TNR: variants seen among roughly 807,000 people sequenced by gnomAD.
The protein encoded by TNR is tenascin-R.
Under a neutral mutation model 150.4 loss-of-function variants are expected in TNR, and 45 were observed. The ratio of observed to expected loss-of-function variants is 0.30; its 90% CI spans 0.24 to 0.38. The LOEUF is 0.38. Ranked by LOEUF, TNR falls within the 10% of genes least tolerant of loss-of-function variation. The pLI is 1.00. For missense variants in TNR, 1,544 were observed against 1,759.1 expected, an observed-to-expected ratio of 0.88 and a Z score of 2.19; for synonymous variants, 687 against 678.4, an observed-to-expected ratio of 1.01 and a Z score of -0.20.
chr1:175,507,858 A>C (rs1284162828), intron 2 of TNR, among the ~76,000 whole-genome samples: 1 of 152,262 alleles, frequency 6.6e-6, no homozygotes, highest in African/African-American at 2.4e-5. Flanking sequence ...AGCATCTAGC[A>C]CATCAGTGAT....
intron 2 of TNR, among the ~76,000 whole-genome samples, chr1:175,515,001 G>T (rs143590582): frequency 7.4e-4 from 112 of 152,286 alleles, no homozygotes; most frequent in South Asian, 6.2e-4. Flanking sequence ...AGTTGCGATG[G>T]TGTCACTTAC....
At chr1:175,353,775 G>A (rs1328114478) in intron 18 of TNR, among the ~76,000 whole-genome samples, 1 of 152,194 alleles carries the variant, frequency 6.6e-6, no homozygotes, top group Non-Finnish European at 1.5e-5. Context: ...AGGAGGAAGA[G>A]AAAGATAAAC....
At chr1:175,661,378 C>A (rs1355752679) in intron 1 of TNR, among the ~76,000 whole-genome samples, 5 of 152,142 alleles carry the variant, frequency 3.3e-5, no homozygotes, top group African/African-American at 1.2e-4. Context: ...TTTAAGCCCC[C>A]CTAAATGTTG....
intron 1 of TNR, among the ~76,000 whole-genome samples, chr1:175,695,023 T>A (rs1010041369): frequency 6.6e-6 from 1 of 152,214 alleles, no homozygotes; most frequent in Non-Finnish European, 1.5e-5. Flanking sequence ...TGTCCATGAA[T>A]TTTTTGACAC....
At chr1:175,359,001 CTGTTCTGAG>C (rs921250975) in intron 15 of TNR, among the ~76,000 whole-genome samples, 4 of 152,104 alleles carry the variant, frequency 2.6e-5, no homozygotes, top group African/African-American at 9.7e-5. Flanking sequence ...AGTCTTAGCT[CTGTTCTGAG>C]TTTCATCTTC....
chr1:175,411,203 C>A (rs1241022755), intron 2 of TNR, among the ~76,000 whole-genome samples: 6 of 152,056 alleles, frequency 3.9e-5, no homozygotes, highest in Admixed American at 3.9e-4. Flanking sequence ...ACCTGGGTGT[C>A]ATGGTAAGTA....
At chr1:175,668,035 G>A (rs1230527126) in intron 1 of TNR, among the ~76,000 whole-genome samples, 3 of 152,154 alleles carry the variant, frequency 2.0e-5, no homozygotes, top group African/African-American at 4.8e-5. Context: ...TGAATCAGAG[G>A]CCACATTTTT....
At chr1:175,346,523 A>T (rs1650792535) in intron 18 of TNR, among the ~76,000 whole-genome samples, 2 of 152,184 alleles carry the variant, frequency 1.3e-5, no homozygotes, top group Admixed American at 1.3e-4. Flanking sequence ...TAATAAAAGA[A>T]ATATATCACT....
At chr1:175,342,798 C>T (rs1650584291) in intron 18 of TNR, among the ~76,000 whole-genome samples, 1 of 152,248 alleles carries the variant, frequency 6.6e-6, no homozygotes, top group Non-Finnish European at 1.5e-5. Context: ...GCAAGTGCAA[C>T]AGACATCTAA....
intron 1 of TNR, among the ~76,000 whole-genome samples, chr1:175,656,067 A>G (rs890677439): frequency 3.3e-5 from 5 of 152,104 alleles, no homozygotes; most frequent in Non-Finnish European, 7.3e-5. Flanking sequence ...GCACCAAGCC[A>G]CAAGGCTATC....
chr1:175,623,835 A>G (rs1465263991), intron 1 of TNR, among the ~76,000 whole-genome samples: 1 of 152,268 alleles, frequency 6.6e-6, no homozygotes, highest in Non-Finnish European at 1.5e-5. Flanking sequence ...GAGGAGCCTG[A>G]GGCCACTGAA....
chr1:175,601,249 G>T lies in TNR; in HGVS notation c.-164-72880C>A, dbSNP rs72725463. ...CTGCAGCGGGTAGAGTTTGGGTAAG[G>T]TCACTTGGCCAGTTCTTACTCAGAG... On this transcript the variant is annotated intron_variant, in intron 1 of 22. Coordinates refer to ENST00000367674, the MANE Select transcript of TNR (RefSeq NM_003285.3). 6.7e-3 allele frequency among the ~76,000 whole-genome samples: 1,014 copies of T among 152,324 alleles called. 7 individuals are homozygous for T. Among genetic ancestry groups the T allele is most frequent in the Middle Eastern group, 0.017 (5 of 294 alleles).
chr1:175,382,205 C>T (rs984946103), intron 8 of TNR, among the ~76,000 whole-genome samples: 1 of 152,218 alleles, frequency 6.6e-6, no homozygotes, highest in Non-Finnish European at 1.5e-5. Flanking sequence ...GAACCAGGAT[C>T]TTGTCTATCT....
At chr1:175,499,992 C>T (rs1469201452) in intron 2 of TNR, among the ~76,000 whole-genome samples, 3 of 152,200 alleles carry the variant, frequency 2.0e-5, no homozygotes, top group Non-Finnish European at 4.4e-5. Flanking sequence ...CCATCAGAGT[C>T]TGGACTTCAC....
chr1:175,697,054 A>C (rs1486018056), intron 1 of TNR, among the ~76,000 whole-genome samples: 1 of 152,016 alleles, frequency 6.6e-6, no homozygotes, highest in Non-Finnish European at 1.5e-5. Context: ...GAAAAAAAAA[A>C]ACCAGAAACC....
In TNR at chr1:175,702,211, A is replaced by G. The variant is rs58220674; in HGVS notation, c.-165+41015T>C. On this transcript the variant is annotated intron_variant, in intron 1 of 22. Coordinates refer to ENST00000367674, the MANE Select transcript of TNR (RefSeq NM_003285.3). ...CCACACACTGGGACCCCGCTCTGCA[A>G]TTTAGGAGCCTGCACTTGGTGAGGA... is the stretch of plus-strand genomic sequence containing the variant. 2.6e-3 allele frequency among the ~76,000 whole-genome samples: 397 copies of G among 152,228 alleles called. 8 individuals are homozygous for G. In the East Asian group the frequency reaches 0.047, roughly 18 times the overall value.
intron 2 of TNR, among the ~76,000 whole-genome samples, chr1:175,498,841 A>G (rs893296635): frequency 1.3e-5 from 2 of 152,156 alleles, no homozygotes; most frequent in African/African-American, 4.8e-5. Flanking sequence ...AGCACATATA[A>G]CCGTTAGTAT....
chr1:175,360,974 C>T (rs1651561981), intron 14 of TNR, among the ~76,000 whole-genome samples: 1 of 152,212 alleles, frequency 6.6e-6, no homozygotes, highest in South Asian at 2.1e-4. Context: ...TCTGCCTAGA[C>T]TTAAAGGAGG....
At position 175,481,863 on chromosome 1, in the gene TNR, C is replaced by A. The variant is rs764722936; in HGVS notation, c.-64+46406G>T. 6.8e-4 allele frequency among the ~76,000 whole-genome samples: 104 copies of A among 152,120 alleles called. 1 individual carries two copies. The highest frequency in any genetic ancestry group is 2.9e-4 in the Non-Finnish European group (20 of 68,032). On this transcript the variant is annotated intron_variant, in intron 2 of 22. Transcript: ENST00000367674. ...CAAGCACACACGTCTGCCCAGAAAG[C>A]ACTGTCCTGCTGCCTCCTGCTGGAA...
Sources: gnomAD v4.1 joint callset for allele counts (sites outside exome capture counted in the v4.1 genomes callset) on GRCh38, gnomAD v4.1.1 for gene constraint, MANE v1.5 for transcripts, NCBI Gene and HGNC (gene_info 2026-07-23, HGNC 2026-07-21) for gene names.